KLHL1: variants seen among roughly 807,000 people sequenced by gnomAD.
KLHL1 encodes the protein kelch like family member 1, also known as kelch-like protein 1.
In KLHL1, 47 loss-of-function variants were observed where a neutral mutation model predicts 77.7. The observed-to-expected ratio is 0.60, with a 90% CI of 0.48 to 0.77. The LOEUF (loss-of-function observed/expected upper bound fraction) is 0.77, where lower values mean the gene tolerates loss of function less well. Ranked by LOEUF, KLHL1 falls within the 30% of genes least tolerant of loss-of-function variation. The probability of loss-of-function intolerance (pLI) is 0.00; values close to 1 mark genes in which losing one functional copy is unlikely to be tolerated. For missense variants in KLHL1, 925 were observed against 910.8 expected, an observed-to-expected ratio of 1.02 and a Z score of -0.20; for synonymous variants, 360 against 325.2, an observed-to-expected ratio of 1.11 and a Z score of -1.15.
chr13:69,769,528 C>G (rs1314587567), intron 7 of KLHL1, among the ~76,000 whole-genome samples: 1 of 152,022 alleles, frequency 6.6e-6, no homozygotes, highest in Non-Finnish European at 1.5e-5. Flanking sequence ...TAGTTAGAGT[C>G]TGTGACTGGA....
At chr13:69,736,869 G>A (rs2137923692) in intron 8 of KLHL1, among the ~76,000 whole-genome samples, 1 of 152,174 alleles carries the variant, frequency 6.6e-6, no homozygotes, top group Non-Finnish European at 1.5e-5. Flanking sequence ...AGGATACAAA[G>A]GCATAAGAAT....
At chr13:70,080,428 T>C (rs1887366078) in intron 1 of KLHL1, among the ~76,000 whole-genome samples, 2 of 152,220 alleles carry the variant, frequency 1.3e-5, no homozygotes, top group African/African-American at 4.8e-5. Context: ...TCTTTCTATA[T>C]CTACCAGATA....
chr13:69,960,063 T>C (rs1884016314), intron 3 of KLHL1, among the ~76,000 whole-genome samples: 1 of 151,910 alleles, frequency 6.6e-6, no homozygotes. Flanking sequence ...TGTCTAAGTA[T>C]TTTCCTCACA....
intron 4 of KLHL1, among the ~76,000 whole-genome samples, chr13:69,899,871 T>C (rs1881796425): frequency 6.6e-6 from 1 of 152,070 alleles, no homozygotes; most frequent in Admixed American, 6.5e-5. Flanking sequence ...ATTTGTACTA[T>C]GAACAATAGC....
At chr13:69,859,490 C>T (rs1015443730) in intron 5 of KLHL1, among the ~76,000 whole-genome samples, 1 of 152,010 alleles carries the variant, frequency 6.6e-6, no homozygotes, top group Non-Finnish European at 1.5e-5. Context: ...GACGCTGTGA[C>T]AGCTCTGGTC....
rs540473062 is a variant in KLHL1, at chr13:69,882,210, G to C, written c.1227+73C>G. The C allele has an allele frequency of 1.3e-4, 128 of 997,030 alleles. No homozygotes were observed. In the African/African-American group the frequency reaches 2.0e-3, roughly 15 times the overall value. The allele number at this position is 997,030 out of a possible 1,614,324, so 61.8% of individuals were successfully genotyped here. A position where few individuals can be genotyped will look rare whatever the true frequency, so the allele number is the denominator to read the frequency against. On this transcript the variant is annotated intron_variant, in intron 5 of 10. Transcript: ENST00000377844. ...AATGTGAATACCTAATTAAAAATGT[G>C]TTTTGATGTTTACTTTTAATATAGG...
intron 5 of KLHL1, among the ~76,000 whole-genome samples, chr13:69,842,251 AAAG>A (rs1391700949): frequency 6.6e-6 from 1 of 151,924 alleles, no homozygotes; most frequent in African/African-American, 2.4e-5. Context: ...AACAAAGTGA[AAAG>A]AAAATCTGCT....
chr13:69,720,973 C>A lies in KLHL1; in HGVS notation c.1803-1392G>T, dbSNP rs148523432. Among the ~76,000 whole-genome samples, 10 of 124,986 alleles carry A rather than the reference C, an allele frequency of 8.0e-5. No homozygotes were observed. The East Asian group carries it at 2.2e-3, about 28-fold the overall frequency. 82.0% of individuals were successfully genotyped at this position (124,986 alleles called of 152,430 possible). ...AAAGGAAAATAAATCCTGGGACTCC[C>A]AAATCACTAAAGCCAAAGGGAAGTC... On this transcript the variant is annotated intron_variant, in intron 8 of 10. Transcript: ENST00000377844.
rs368580912 is a variant in KLHL1 at position 69,807,074 on chromosome 13, CT to C, written c.1415-10113del. Among the ~76,000 whole-genome samples, 83 of 152,244 alleles carry C rather than the reference CT, an allele frequency of 5.5e-4. No homozygotes were observed. In the East Asian group the frequency reaches 0.015, roughly 27 times the overall value. ...TACTGGGCCGAGTTTTGCCTTTGGC[CT>C]GAGTTCAGGCTGACATGAGTGCAAC... On this transcript the variant is annotated intron_variant, in intron 6 of 10. Coordinates refer to ENST00000377844, the MANE Select transcript of KLHL1 (RefSeq NM_020866.3).
At chr13:70,090,871 AATAAT>A (rs1227298853) in intron 1 of KLHL1, among the ~76,000 whole-genome samples, 2 of 152,178 alleles carry the variant, frequency 1.3e-5, no homozygotes, top group African/African-American at 4.8e-5. Flanking sequence ...AGAAATTAAA[AATAAT>A]ATGATGGAAA....
chr13:70,024,639 TCTCTCTCTCTCTCTCTCTCTCG>T (rs1189481675), intron 1 of KLHL1, among the ~76,000 whole-genome samples: 1 of 147,968 alleles, frequency 6.8e-6, no homozygotes, highest in Admixed American at 6.7e-5. Context: ...TCTCTCTCTC[TCTCTCTCTCTCTCTCTCTCTCG>T]CTCTGGCTCT....
intron 1 of KLHL1, among the ~76,000 whole-genome samples, chr13:70,047,471 G>T (rs7334741): frequency 1.2e-3 from 185 of 151,836 alleles, no homozygotes; most frequent in African/African-American, 4.2e-3. Context: ...CCATATAGTA[G>T]AAAACTTTAG....
At chr13:69,817,875 G>A (rs181027732) in intron 6 of KLHL1, among the ~76,000 whole-genome samples, 20 of 152,228 alleles carry the variant, frequency 1.3e-4, no homozygotes, top group Non-Finnish European at 2.1e-4. Flanking sequence ...CATTCATACA[G>A]TCTTCATTCC....
chr13:69,864,821 A>G (rs1416555393), intron 5 of KLHL1, among the ~76,000 whole-genome samples: 1 of 152,190 alleles, frequency 6.6e-6, no homozygotes, highest in African/African-American at 2.4e-5. Context: ...CCTCTAAATG[A>G]TCTAAATGAA....
intron 2 of KLHL1, among the ~76,000 whole-genome samples, chr13:69,963,034 G>C (rs1274502617): frequency 2.0e-5 from 3 of 151,878 alleles, no homozygotes; most frequent in South Asian, 2.1e-4. Flanking sequence ...ACTTTACTTA[G>C]AGCCTAACAT....
chr13:69,748,691 G>A (rs1281915197), intron 7 of KLHL1, among the ~76,000 whole-genome samples: 2 of 151,970 alleles, frequency 1.3e-5, no homozygotes. Context: ...TAGTATTTGT[G>A]TGAAGATTAA....
At chr13:70,004,242 A>T (rs543889636) in intron 1 of KLHL1, among the ~76,000 whole-genome samples, 1 of 151,986 alleles carries the variant, frequency 6.6e-6, no homozygotes, top group African/African-American at 2.4e-5. Flanking sequence ...GGAAGCTACC[A>T]ACTACTGTGT....
chr13:69,801,613 A>T (rs1308349618), intron 6 of KLHL1, among the ~76,000 whole-genome samples: 2 of 152,132 alleles, frequency 1.3e-5, no homozygotes, highest in Non-Finnish European at 2.9e-5. Flanking sequence ...TCTTAACCTG[A>T]TGTAGTTACA....
chr13:70,053,315 A>G (rs1886673007), intron 1 of KLHL1, among the ~76,000 whole-genome samples: 2 of 152,106 alleles, frequency 1.3e-5, no homozygotes, highest in African/African-American at 2.4e-5. Flanking sequence ...AAGATGTGAA[A>G]GATAAGTTAG....
Sources: allele counts gnomAD v4.1 joint callset (sites outside exome capture counted in the v4.1 genomes callset), GRCh38; gene constraint gnomAD v4.1.1; transcripts MANE v1.5; gene names NCBI Gene and HGNC (gene_info 2026-07-23, HGNC 2026-07-21).